The following RASA1 variants were observed in gnomAD, a reference collection of about 807,000 sequenced individuals.
RASA1 encodes the protein RAS p21 protein activator 1, also known as ras GTPase-activating protein 1.
In RASA1, 25 loss-of-function variants were observed where a neutral mutation model predicts 132.2. The ratio of observed to expected loss-of-function variants is 0.19; its 90% confidence interval spans 0.14 to 0.26. The LOEUF (loss-of-function observed/expected upper bound fraction) is 0.26, where lower values mean the gene tolerates loss of function less well. Among genes scored for constraint, RASA1 ranks in the 10% least tolerant of loss-of-function variants. The pLI, the probability that RASA1 is intolerant of heterozygous loss-of-function variation, is 1.00. For missense variants in RASA1, 964 were observed against 1,299.2 expected (o/e 0.74, Z 3.97); for synonymous variants, 477 against 449.9 (o/e 1.06, Z -0.76).
chr5:87,338,536 A>ATATATATATTTTTTTT, intron 5 of RASA1, among the ~76,000 whole-genome samples: 1 of 85,222 alleles, frequency 1.2e-5, no homozygotes, highest in East Asian at 4.9e-4. Context: ...TATATATAAA[A>ATATATATATTTTTTTT]TTTTTTTTTT....
intron 8 of RASA1, among the ~76,000 whole-genome samples, chr5:87,352,264 A>G (rs1186461369): frequency 6.6e-6 from 1 of 151,454 alleles, no homozygotes; most frequent in African/African-American, 2.4e-5. Context: ...TTTGGTTTAA[A>G]TTAACTTTGT....
intron 5 of RASA1, among the ~76,000 whole-genome samples, chr5:87,338,536 A>ATATATATTTTTTT: frequency 3.2e-4 from 27 of 85,206 alleles, no homozygotes; most frequent in African/African-American, 8.8e-4. Context: ...TATATATAAA[A>ATATATATTTTTTT]TTTTTTTTTT....
chr5:87,319,829 G>T (rs1245325368), intron 1 of RASA1, among the ~76,000 whole-genome samples: 1 of 152,148 alleles, frequency 6.6e-6, no homozygotes, highest in Non-Finnish European at 1.5e-5. Flanking sequence ...CCCAAAATGG[G>T]TTTGTCTTTT....
At chr5:87,291,999 T>A (rs542989666) in intron 1 of RASA1, among the ~76,000 whole-genome samples, 4 of 152,254 alleles carry the variant, frequency 2.6e-5, no homozygotes, top group African/African-American at 7.2e-5. Flanking sequence ...TTCAGGTCTT[T>A]TGCCCATTTT....
chr5:87,310,223 C>T (rs941587383), intron 1 of RASA1, among the ~76,000 whole-genome samples: 13 of 151,842 alleles, frequency 8.6e-5, no homozygotes, highest in African/African-American at 1.9e-4. Flanking sequence ...AGATGAGGAT[C>T]ATAGCAAACT....
chr5:87,268,797 C>G lies in RASA1; in HGVS notation c.346C>G (p.Leu116Val), dbSNP rs149246093. The part of the protein sequence containing the change: ...AVAGPSGDMA[L>V]TKLPTSLLAE... Reference sequence around the variant, plus strand: ...TGCTGGACCTAGTGGAGACATGGCTCTCACCAAACTGCCCACTTCGTTGCT... The same window carrying G: ...TGCTGGACCTAGTGGAGACATGGCTGTCACCAAACTGCCCACTTCGTTGCT... The change falls in exon 1 of 25, where the codon CTC becomes GTC. Residue 116 changes from leucine (L) to valine (V), a missense_variant. By Grantham distance (32) the Leu-to-Val change is conservative. This residue lies in a region of RASA1 where 326 missense variants were observed against 275.8 expected (regional missense o/e 1.18). Transcript: ENST00000274376. The G allele has an allele frequency of 8.7e-5, 141 of 1,613,986 alleles. No homozygotes were observed. Among genetic ancestry groups the G allele is most frequent in the Non-Finnish European group, 1.1e-4 (132 of 1,180,050 alleles).
Position 87,379,719 on chromosome 5 carries a change from T to C in RASA1, c.2488-16T>C. 6.2e-7 allele frequency: 1 copy of C among 1,610,722 alleles called. No homozygotes were observed. The highest frequency in any genetic ancestry group is 1.3e-5 in the African/African-American group (1 of 74,938). On this transcript the variant is annotated splice_polypyrimidine_tract_variant and intron_variant, in intron 18 of 24. Transcript: ENST00000274376. ...ATTGCCAACATGCATTTATATTGATTTATTCCTTCTTTTAGTTAAGTCCAT... is the reference window on the plus strand; with the variant it reads ...ATTGCCAACATGCATTTATATTGATCTATTCCTTCTTTTAGTTAAGTCCAT...
At chr5:87,298,929 CTT>C (rs1238437367) in intron 1 of RASA1, among the ~76,000 whole-genome samples, 2 of 152,158 alleles carry the variant, frequency 1.3e-5, no homozygotes, top group African/African-American at 4.8e-5. Flanking sequence ...CGTTCTGTGA[CTT>C]TTTGACAGTT....
At position 87,283,135 on chromosome 5, in the gene RASA1, GTT is replaced by G. The variant is rs150142048; in HGVS notation, c.539+14154_539+14155del. 2.7e-3 allele frequency among the ~76,000 whole-genome samples: 271 copies of G among 99,866 alleles called. 5 individuals carry two copies. Among genetic ancestry groups the G allele is most frequent in the East Asian group, 0.014 (39 of 2,868 alleles). The allele number at this position is 99,866 out of a possible 152,430, so 65.5% of individuals were successfully genotyped here. A position where few individuals can be genotyped will look rare whatever the true frequency, so the allele number is the denominator to read the frequency against. On this transcript the variant is annotated intron_variant, in intron 1 of 24. Transcript: ENST00000274376. ...TTTCCTCACCTATCTAGTAAGTTTTGTTTTTTTTTTGTGTTTTTTTTTTTTTT... is the reference window on the plus strand; with the variant it reads ...TTTCCTCACCTATCTAGTAAGTTTTGTTTTTTTTGTGTTTTTTTTTTTTTT...
At chr5:87,322,328 G>T (rs1374981109) in intron 1 of RASA1, among the ~76,000 whole-genome samples, 1 of 152,154 alleles carries the variant, frequency 6.6e-6, no homozygotes, top group Non-Finnish European at 1.5e-5. Context: ...ATTTTCACAG[G>T]AGCGCAAACC....
chr5:87,329,345 G>C lies in RASA1; in HGVS notation c.540-2003G>C, dbSNP rs375390948. On this transcript the variant is annotated intron_variant, in intron 1 of 24. Transcript: ENST00000274376. ...CAGTCTCGGCTACTTGGGAGGCTGT[G>C]GTGGGAAGATGGGTTGAGCCTGGGA... Among the ~76,000 whole-genome samples the C allele has an allele frequency of 3.1e-3, 478 of 152,044 alleles. 3 individuals carry two copies. The highest frequency in any genetic ancestry group is 0.011 in the African/African-American group (461 of 41,476).
At chr5:87,338,503 A>ATATATT (rs1279522051) in intron 5 of RASA1, among the ~76,000 whole-genome samples, 41 of 10,708 alleles carry the variant, frequency 3.8e-3, no homozygotes, top group Non-Finnish European at 7.5e-3. Flanking sequence ...AGCTAATTTT[A>ATATATT]TATATATATA....
rs3806935 is a variant in RASA1, at chr5:87,268,134, T to C, written c.-318T>C. ...CTTTCCCTGTGCTTCCTTTCCTCTTTAGTGCAGCGAGGAAGTTTTCGCTTC... is the reference window on the plus strand; with the variant it reads ...CTTTCCCTGTGCTTCCTTTCCTCTTCAGTGCAGCGAGGAAGTTTTCGCTTC... On this transcript the variant is annotated 5_prime_UTR_variant, in exon 1 of 25. Coordinates refer to ENST00000274376, the MANE Select transcript of RASA1 (RefSeq NM_002890.3). 9 of 433,372 alleles carry C rather than the reference T, an allele frequency of 2.1e-5. No individual in the cohort carries two copies. The East Asian group carries it at 2.7e-4, about 13-fold the overall frequency. The allele number at this position is 433,372 out of a possible 1,614,324, so 26.8% of individuals were successfully genotyped here. A position where few individuals can be genotyped will look rare whatever the true frequency, so the allele number is the denominator to read the frequency against.
intron 1 of RASA1, among the ~76,000 whole-genome samples, chr5:87,308,229 C>A (rs1228793086): frequency 6.6e-6 from 1 of 151,138 alleles, no homozygotes; most frequent in East Asian, 2.0e-4. Flanking sequence ...AGACCTGGGT[C>A]TTTTGCATGA....
intron 5 of RASA1, among the ~76,000 whole-genome samples, chr5:87,338,729 T>G (rs2112390595): frequency 6.6e-6 from 1 of 151,058 alleles, no homozygotes; most frequent in South Asian, 2.1e-4. Flanking sequence ...ATAAGTGAAG[T>G]TATATCAGTC....
In RASA1 at chr5:87,369,980, G is replaced by A. The variant is rs1365859857; in HGVS notation, c.1698+80G>A. 26 of 1,184,418 alleles carry A rather than the reference G, an allele frequency of 2.2e-5. No individual in the cohort carries two copies. The East Asian group carries it at 2.4e-4, about 11-fold the overall frequency. 73.4% of individuals were successfully genotyped at this position (1,184,418 alleles called of 1,614,324 possible). On this transcript the variant is annotated intron_variant, in intron 12 of 24. Transcript: ENST00000274376. ...TTATTAACTGGAATAGAAAATGATC[G>A]CATTCAAGATAAAGTGACAGAACGC...
intron 1 of RASA1, 163 bp from the exon 2 acceptor site, chr5:87,331,185 G>T: frequency 1.0e-6 from 1 of 959,412 alleles, no homozygotes; most frequent in Non-Finnish European, 1.6e-6. Flanking sequence ...TTTTGAGACT[G>T]AGGTTAAATT....
At chr5:87,269,209 T>G in intron 1 of RASA1, 1 of 1,579,612 alleles carries the variant, frequency 6.3e-7, no homozygotes, top group Non-Finnish European at 8.6e-7. Context: ...TGGGAAAGTG[T>G]AAAGTCTTTA....
chr5:87,275,630 G>A lies in RASA1; in HGVS notation c.539+6640G>A, dbSNP rs138915051. On this transcript the variant is annotated intron_variant, in intron 1 of 24. Transcript: ENST00000274376. ...CTTGCCCTGTCGCCCAGGCTGGAGT[G>A]CAGTGGTATGGCTCACTGCAACCTC... Among the ~76,000 whole-genome samples, 396 of 151,932 alleles carry A rather than the reference G, an allele frequency of 2.6e-3. 5 individuals are homozygous for A. The highest frequency in any genetic ancestry group is 7.8e-3 in the East Asian group (40 of 5,156).
Sources: allele counts gnomAD v4.1 joint callset (sites outside exome capture counted in the v4.1 genomes callset), GRCh38; gene constraint gnomAD v4.1.1; regional missense constraint gnomAD v4.1.1; transcripts MANE v1.5; gene names NCBI Gene and HGNC (gene_info 2026-07-23, HGNC 2026-07-21).